The following ISLR2 variants were observed in gnomAD, a reference collection of about 807,000 sequenced individuals.
ISLR2 encodes the protein immunoglobulin superfamily containing leucine-rich repeat protein 2.
In ISLR2, 16 loss-of-function variants were observed where a neutral mutation model predicts 25.5. That is an observed-to-expected ratio of 0.63 (90% confidence interval 0.43 to 0.95). ISLR2 has a LOEUF of 0.95. ISLR2 is among the 40% of genes least tolerant of loss of function. The pLI is 0.00. For synonymous variants in ISLR2, 508 were observed against 486.6 expected, an observed-to-expected ratio of 1.04 and a Z score of -0.58; for missense variants, 883 against 1,030.7, an observed-to-expected ratio of 0.86 and a Z score of 1.96.
At chr15:74,123,137 G>A (rs2072266110), upstream of ISLR2, among the ~76,000 whole-genome samples, 1 of 152,126 alleles carries the variant, frequency 6.6e-6, no homozygotes, top group Non-Finnish European at 1.5e-5. Context: ...TTTGGTAAGT[G>A]TTTTGAAGCA....
At chr15:74,108,881 G>C (rs911260070) in intron 2 of ISLR2, among the ~76,000 whole-genome samples, 1 of 152,156 alleles carries the variant, frequency 6.6e-6, no homozygotes, top group African/African-American at 2.4e-5. Flanking sequence ...CAGGGTGAGG[G>C]TATCCAGACA....
chr15:74,115,766 C>A (rs2072205219), intron 2 of ISLR2, among the ~76,000 whole-genome samples: 1 of 150,962 alleles, frequency 6.6e-6, no homozygotes. Flanking sequence ...GGAAATAGGC[C>A]CAGAAATGAC....
At chr15:74,139,100 C>G (rs1183486286), downstream of ISLR2, among the ~76,000 whole-genome samples, 1 of 152,212 alleles carries the variant, frequency 6.6e-6, no homozygotes, top group Non-Finnish European at 1.5e-5. Flanking sequence ...GAAAGCTCTG[C>G]CCCTCTTTGT....
At chr15:74,108,480 C>T (rs1371502499) in intron 2 of ISLR2, among the ~76,000 whole-genome samples, 4 of 151,910 alleles carry the variant, frequency 2.6e-5, no homozygotes, top group African/African-American at 4.8e-5. Context: ...CGCCCCCAGA[C>T]CCCCCAAAGC....
intron 2 of ISLR2, among the ~76,000 whole-genome samples, chr15:74,120,082 C>A (rs1158489791): frequency 6.6e-6 from 1 of 152,204 alleles, no homozygotes; most frequent in Non-Finnish European, 1.5e-5. Context: ...AGGGCATCAG[C>A]AAGAAACAGT....
intron 2 of ISLR2, among the ~76,000 whole-genome samples, chr15:74,121,095 G>C (rs1453152424): frequency 7.2e-5 from 11 of 151,830 alleles, no homozygotes; most frequent in Admixed American, 6.6e-4. Context: ...TTCTTCTCCT[G>C]GTGCCTTTGT....
upstream of ISLR2, chr15:74,125,991 G>GC (rs1164591195): frequency 6.6e-6 from 1 of 152,222 alleles, no homozygotes; most frequent in Non-Finnish European, 1.5e-5. Flanking sequence ...AAACAGGCAT[G>GC]CTGACAAGCA....
In ISLR2 at chr15:74,135,107, C is replaced by A; in HGVS notation, c.*115C>A. On this transcript the variant is annotated 3_prime_UTR_variant, in exon 3 of 3. Coordinates refer to ENST00000453268, the MANE Select transcript of ISLR2 (RefSeq NM_020851.3). ...TCCCCAACCTTCACCTACTCCTCCCCCTTACTACTCCCCAACCTTGACTAC... is the reference window on the plus strand; with the variant it reads ...TCCCCAACCTTCACCTACTCCTCCCACTTACTACTCCCCAACCTTGACTAC... The A allele has an allele frequency of 7.9e-7, 1 of 1,260,516 alleles. No individual in the cohort carries two copies. The allele number at this position is 1,260,516 out of a possible 1,614,324, so 78.1% of individuals were successfully genotyped here.
At position 74,106,600 on chromosome 15, in the gene ISLR2, T is replaced by C. The variant is rs190379173; in HGVS notation, n.228+2686T>C. Reference sequence around the variant, plus strand: ...TCCACCCATGCTAGGCTTCCACTGATGGGATATAAGTGGCCAGGGGGGTTC... The same window carrying C: ...TCCACCCATGCTAGGCTTCCACTGACGGGATATAAGTGGCCAGGGGGGTTC... On this transcript the variant is annotated intron_variant and non_coding_transcript_variant, in intron 2 of 3. Coordinates refer to the ISLR2 transcript ENST00000561975. Among the ~76,000 whole-genome samples the C allele has an allele frequency of 4.4e-3, 665 of 152,104 alleles. 7 individuals carry two copies. Among genetic ancestry groups the C allele is most frequent in the Admixed American group, 0.012 (177 of 15,292 alleles).
intron 2 of ISLR2, among the ~76,000 whole-genome samples, chr15:74,105,467 G>T: frequency 2.8e-5 from 2 of 70,340 alleles, no homozygotes; most frequent in East Asian, 3.7e-4. Context: ...CCAAATCAAT[G>T]CCCTCTGATG....
In ISLR2 at chr15:74,133,111, G is replaced by A; in HGVS notation, c.357G>A (p.Leu119=). The A allele has an allele frequency of 6.2e-7, 1 of 1,612,752 alleles. No individual in the cohort carries two copies. Among genetic ancestry groups the A allele is most frequent in the South Asian group, 1.1e-5 (1 of 91,090 alleles). ...TATCCAGCTTTCCGTGGAGCGACCT[G>A]CGCAACCTGAGCGCGCTGCAGCTGC... The part of the protein sequence containing the change: ...NFISSFPWSD[L]RNLSALQLLK... Residue 119 remains leucine (L), a synonymous_variant, in exon 3 of 3, where the codon CTG becomes CTA. Coordinates refer to ENST00000453268, the MANE Select transcript of ISLR2 (RefSeq NM_020851.3).
upstream of ISLR2, chr15:74,129,360 T>C: frequency 4.0e-6 from 1 of 250,434 alleles, no homozygotes; most frequent in South Asian, 4.3e-5. The surrounding 1 kb of genome is among the most constrained non-coding windows in gnomAD (Gnocchi z 4.5). Flanking sequence ...CCTAGCTCAT[T>C]AAGATGCTCA....
At chr15:74,112,299 A>C (rs905563615) in intron 2 of ISLR2, among the ~76,000 whole-genome samples, 7 of 152,296 alleles carry the variant, frequency 4.6e-5, no homozygotes, top group Admixed American at 1.3e-4. Context: ...GAGATGCCAG[A>C]TAAAATATAG....
At chr15:74,114,724 A>G (rs1210124693) in intron 2 of ISLR2, among the ~76,000 whole-genome samples, 2 of 152,196 alleles carry the variant, frequency 1.3e-5, no homozygotes, top group East Asian at 3.8e-4. Flanking sequence ...AGAAAAATGG[A>G]ACAACATATA....
Position 74,135,939 on chromosome 15 carries a change from T to C in ISLR2, c.*947T>C, listed in dbSNP as rs1397428349. On this transcript the variant is annotated 3_prime_UTR_variant, in exon 3 of 3. Coordinates refer to ENST00000453268, the MANE Select transcript of ISLR2 (RefSeq NM_020851.3). ...CCACCCCACTTCTGGCCAGTTGGAG[T>C]CCAGCCCGGTGCCTGGGGCGCCTTT... The C allele has an allele frequency of 6.1e-6, 1 of 164,582 alleles. No individual in the cohort carries two copies. Among genetic ancestry groups the C allele is most frequent in the Admixed American group, 6.7e-5 (1 of 14,980 alleles). The allele number at this position is 164,582 out of a possible 1,614,324, so 10.2% of individuals were successfully genotyped here. A position where few individuals can be genotyped will look rare whatever the true frequency, so the allele number is the denominator to read the frequency against.
chr15:74,122,912 G>A (rs1567156930), intron 2 of ISLR2, among the ~76,000 whole-genome samples: 1 of 152,124 alleles, frequency 6.6e-6, no homozygotes, highest in Non-Finnish European at 1.5e-5. Flanking sequence ...GCCACAGGAG[G>A]TGGTGGGGGG....
Position 74,134,333 on chromosome 15 carries a change from C to T in ISLR2, c.1579C>T (p.Leu527=), listed in dbSNP as rs773064640. 24 of 1,564,810 alleles carry T rather than the reference C, an allele frequency of 1.5e-5. No homozygotes were observed. The highest frequency in any genetic ancestry group is 2.1e-5 in the Non-Finnish European group (24 of 1,157,874). Residue 527 remains leucine (L), a synonymous_variant, in exon 3 of 3, where the codon CTG becomes TTG. Coordinates refer to ENST00000453268, the MANE Select transcript of ISLR2 (RefSeq NM_020851.3). ...GGAPRPGRRP[L]RLLYLCPAGG... ...AGCCCCGCGACCCGGGCGGCGACCCCTGCGCCTACTCTATCTGTGTCCAGC... is the reference window on the plus strand; with the variant it reads ...AGCCCCGCGACCCGGGCGGCGACCCTTGCGCCTACTCTATCTGTGTCCAGC...
chr15:74,113,036 G>T (rs1189751253), intron 2 of ISLR2, among the ~76,000 whole-genome samples: 2 of 152,190 alleles, frequency 1.3e-5, no homozygotes, highest in South Asian at 2.1e-4. Flanking sequence ...GGGGTCAGGG[G>T]TGGTGGTTAT....
chr15:74,120,521 CAAAAA>C (rs61636299), intron 2 of ISLR2, among the ~76,000 whole-genome samples: 2 of 47,462 alleles, frequency 4.2e-5, no homozygotes, highest in Admixed American at 2.3e-4. Context: ...GACTCCATCT[CAAAAA>C]AAAAAAAAAA....
Sources: gnomAD v4.1 joint callset for allele counts (sites outside exome capture counted in the v4.1 genomes callset) on GRCh38, gnomAD v4.1.1 for gene constraint, Gnocchi (gnomAD v3.1) non-coding constraint, MANE v1.5 for transcripts, NCBI Gene and HGNC (gene_info 2026-07-23, HGNC 2026-07-21) for gene names.